HIPK3: variants seen among roughly 807,000 people sequenced by gnomAD.
The protein encoded by HIPK3 is homeodomain-interacting protein kinase 3.
In HIPK3, 47 loss-of-function variants were observed where a neutral mutation model predicts 124.2. The ratio of observed to expected loss-of-function variants is 0.38; its 90% CI spans 0.30 to 0.48. HIPK3 has a LOEUF of 0.48. Among genes scored for constraint, HIPK3 ranks in the 20% least tolerant of loss-of-function variants. The probability of loss-of-function intolerance (pLI) is 0.98; values close to 1 mark genes in which losing one functional copy is unlikely to be tolerated. For synonymous variants in HIPK3, 482 were observed against 515.2 expected, an observed-to-expected ratio of 0.94 and a Z score of 0.87; for missense variants, 1,286 against 1,454.3, an observed-to-expected ratio of 0.88 and a Z score of 1.88.
intron 15 of HIPK3, 134 bp downstream of exon 15, chr11:33,351,977 C>A: frequency 2.0e-6 from 2 of 994,842 alleles, no homozygotes; most frequent in Non-Finnish European, 3.0e-6. Flanking sequence ...CAGAGGAAAT[C>A]TTCTAGTATT....
rs1851934259 is a variant in HIPK3, at chr11:33,299,536, AC to A, written c.1097+12026del. Among the ~76,000 whole-genome samples the A allele has an allele frequency of 3.9e-5, 6 of 152,258 alleles. No homozygotes were observed. In the South Asian group the frequency reaches 6.2e-4, roughly 16 times the overall value. On this transcript the variant is annotated intron_variant, in intron 2 of 16. Coordinates refer to ENST00000303296, the MANE Select transcript of HIPK3 (RefSeq NM_005734.5). ...TCTAATGCTGGTGGAGATGCTGTGA[AC>A]AATTGAAATGATAGCAAAGGATTTA...
At chr11:33,328,782 A>C (rs758028604) in intron 3 of HIPK3, 149 bp downstream of exon 3, 27 of 637,858 alleles carry the variant, frequency 4.2e-5, no homozygotes, top group Non-Finnish European at 6.2e-5. Context: ...ATTGATTTTG[A>C]AAACTGTTTT....
intron 1 of HIPK3, among the ~76,000 whole-genome samples, chr11:33,273,378 G>A (rs1423699288): frequency 2.6e-5 from 4 of 151,476 alleles, no homozygotes; most frequent in Non-Finnish European, 4.4e-5. Context: ...GTGTGGTGGC[G>A]GGCACCTGTA....
intron 1 of HIPK3, among the ~76,000 whole-genome samples, chr11:33,273,536 A>G (rs984972581): frequency 7.3e-5 from 11 of 149,992 alleles, no homozygotes; most frequent in Non-Finnish European, 1.0e-4. Context: ...AAAAAAAAAA[A>G]AAGAAGATTT....
At chr11:33,257,230 C>A (rs1363114075), upstream of HIPK3, 10 of 983,816 alleles carry the variant, frequency 1.0e-5, no homozygotes, top group Non-Finnish European at 1.2e-5. Context: ...GGCGGGCGGA[C>A]CCCGGGGAGG....
At chr11:33,275,836 G>C (rs1003333481) in intron 1 of HIPK3, among the ~76,000 whole-genome samples, 2 of 152,206 alleles carry the variant, frequency 1.3e-5, no homozygotes, top group Non-Finnish European at 2.9e-5. Flanking sequence ...TGCCCTCACT[G>C]CTTATGATTA....
chr11:33,268,650 G>T (rs947404226), intron 1 of HIPK3, among the ~76,000 whole-genome samples: 1 of 151,496 alleles, frequency 6.6e-6, no homozygotes, highest in East Asian at 1.9e-4. Context: ...AAGGTGTTTG[G>T]TATGATGACA....
chr11:33,300,238 C>T (rs1404385107), intron 2 of HIPK3, among the ~76,000 whole-genome samples: 2 of 150,120 alleles, frequency 1.3e-5, no homozygotes, highest in African/African-American at 2.5e-5. Flanking sequence ...CCCAGCTACT[C>T]GGAAGGCTGA....
intron 2 of HIPK3, among the ~76,000 whole-genome samples, chr11:33,321,359 A>T (rs200759012): frequency 6.6e-6 from 1 of 152,196 alleles, no homozygotes; most frequent in East Asian, 1.9e-4. Context: ...TTGGTGTAAA[A>T]TGGGAACAGA....
intron 1 of HIPK3, among the ~76,000 whole-genome samples, chr11:33,262,468 T>C (rs958098924): frequency 3.3e-5 from 5 of 152,242 alleles, no homozygotes; most frequent in Non-Finnish European, 7.3e-5. Context: ...AGGCAGCATA[T>C]TGTCTGGATT....
intron 6 of HIPK3, among the ~76,000 whole-genome samples, chr11:33,340,688 C>T (rs1012195812): frequency 2.6e-5 from 3 of 116,324 alleles, no homozygotes; most frequent in Non-Finnish European, 5.7e-5. Context: ...AAAAGTTTTT[C>T]GTGTAGGGGA....
At chr11:33,329,745 A>G (rs1852917625) in intron 3 of HIPK3, among the ~76,000 whole-genome samples, 2 of 152,144 alleles carry the variant, frequency 1.3e-5, no homozygotes, top group Admixed American at 1.3e-4. Flanking sequence ...TCAGCTTTCT[A>G]CCCAATTACT....
intron 2 of HIPK3, among the ~76,000 whole-genome samples, chr11:33,294,316 A>G (rs1308555254): frequency 1.3e-5 from 2 of 151,954 alleles, no homozygotes; most frequent in Admixed American, 6.6e-5. Context: ...AAATAGTACA[A>G]AGGATTCCTG....
intron 16 of HIPK3, 64 bp from the exon 17 acceptor site, chr11:33,353,027 TC>T: frequency 1.0e-6 from 1 of 987,862 alleles, no homozygotes; most frequent in Non-Finnish European, 1.5e-6. Flanking sequence ...AATTTCCCTT[TC>T]TTTCTTTCCT....
rs1316807300 is a variant in HIPK3 at position 33,353,911 on chromosome 11, G to C, written c.*343G>C. On this transcript the variant is annotated 3_prime_UTR_variant, in exon 17 of 17. Transcript: ENST00000303296. ...TTCTGTGTACAGACTTAGAGCAACA[G>C]ATGCACATATGTCAGAATTACAGCA... is the stretch of plus-strand genomic sequence containing the variant. 3.8e-6 allele frequency: 1 copy of C among 260,620 alleles called. No homozygotes were observed. Among genetic ancestry groups the C allele is most frequent in the Admixed American group, 5.0e-5 (1 of 19,812 alleles). The allele number at this position is 260,620 out of a possible 1,614,324, so 16.1% of individuals were successfully genotyped here.
rs929917776 is a variant in HIPK3, at chr11:33,354,438, G to A, written c.*870G>A. On this transcript the variant is annotated 3_prime_UTR_variant, in exon 17 of 17. Transcript: ENST00000303296. ...GTCACAGCACAGCATTTTATATACT[G>A]TTAAGTGAAACTGCAATACAATCTA... 1 of 152,580 alleles carries A rather than the reference G, an allele frequency of 6.6e-6. No individual in the cohort carries two copies. The highest frequency in any genetic ancestry group is 2.4e-5 in the African/African-American group (1 of 41,446). 9.5% of individuals were successfully genotyped at this position (152,580 alleles called of 1,614,324 possible). A position where few individuals can be genotyped will look rare whatever the true frequency, so the allele number is the denominator to read the frequency against.
intron 3 of HIPK3, among the ~76,000 whole-genome samples, chr11:33,332,343 T>TA (rs1413349662): frequency 6.6e-6 from 1 of 152,218 alleles, no homozygotes; most frequent in Non-Finnish European, 1.5e-5. Flanking sequence ...CACCAATTGT[T>TA]ACAGTGCGTG....
chr11:33,353,602 A>G lies in HIPK3; in HGVS notation c.*34A>G. 1 of 1,311,232 alleles carries G rather than the reference A, an allele frequency of 7.6e-7. No individual in the cohort carries two copies. The highest frequency in any genetic ancestry group is 1.9e-4 in the Middle Eastern group (1 of 5,386). The allele number at this position is 1,311,232 out of a possible 1,614,324, so 81.2% of individuals were successfully genotyped here. On this transcript the variant is annotated 3_prime_UTR_variant, in exon 17 of 17. Transcript: ENST00000303296. ...ATATTGGGGAAGCTCAATGATACAAACATTTGATTAAAAATAAAAACATGG... is the reference window on the plus strand; with the variant it reads ...ATATTGGGGAAGCTCAATGATACAAGCATTTGATTAAAAATAAAAACATGG...
intron 2 of HIPK3, among the ~76,000 whole-genome samples, chr11:33,297,077 C>G (rs1851861017): frequency 6.8e-6 from 1 of 147,800 alleles, no homozygotes; most frequent in Non-Finnish European, 1.5e-5. Flanking sequence ...AGTGTTATTG[C>G]TGATATGGAA....
Sources: allele counts gnomAD v4.1 joint callset (sites outside exome capture counted in the v4.1 genomes callset), GRCh38; gene constraint gnomAD v4.1.1; transcripts MANE v1.5; gene names NCBI Gene and HGNC (gene_info 2026-07-23, HGNC 2026-07-21).